ADGRF1: variants seen among roughly 807,000 people sequenced by gnomAD.
ADGRF1 encodes the protein adhesion G protein-coupled receptor F1.
ADGRF1 carries 85 observed loss-of-function variants against 87.2 expected under a neutral mutation model. The observed-to-expected ratio is 0.97, with a 90% CI of 0.82 to 1.17. ADGRF1 has a LOEUF of 1.17. Among genes scored for constraint, ADGRF1 ranks in the 50% most tolerant of loss-of-function variants. The pLI is 0.00. For missense variants in ADGRF1, 1,169 were observed against 1,077.2 expected (o/e 1.09, Z -1.19); for synonymous variants, 430 against 408.8 (o/e 1.05, Z -0.63).
intron 2 of ADGRF1, among the ~76,000 whole-genome samples, chr6:47,028,350 T>C (rs894553532): frequency 5.3e-5 from 8 of 152,198 alleles, no homozygotes; most frequent in African/African-American, 1.9e-4. Flanking sequence ...ATGCCAGTGG[T>C]TTAGATATGG....
intron 7 of ADGRF1, 174 bp from the exon 8 acceptor site, chr6:47,016,942 T>C: frequency 1.9e-6 from 1 of 523,792 alleles, no homozygotes; most frequent in Non-Finnish European, 2.7e-6. Context: ...AAAATACATA[T>C]ATATATGATA....
chr6:47,041,933 A>G (rs1299555814), intron 1 of ADGRF1, among the ~76,000 whole-genome samples: 1 of 152,216 alleles, frequency 6.6e-6, no homozygotes, highest in Non-Finnish European at 1.5e-5. Flanking sequence ...CACAGAGGGA[A>G]GAGTGTGCTT....
chr6:47,029,193 A>G (rs774363375), intron 1 of ADGRF1, 89 bp from the exon 2 acceptor site: 1 of 708,260 alleles, frequency 1.4e-6, no homozygotes, highest in East Asian at 2.7e-5. Flanking sequence ...GTAAGGCCTC[A>G]CTGAGCTGAT....
chr6:47,027,674 A>T, intron 3 of ADGRF1, 30 bp downstream of exon 3: 3 of 1,546,208 alleles, frequency 1.9e-6, no homozygotes, highest in Non-Finnish European at 2.7e-6. Flanking sequence ...ACCAAAATCC[A>T]CTGCACCATG....
At chr6:47,041,259 A>T (rs537659617) in intron 1 of ADGRF1, among the ~76,000 whole-genome samples, 3 of 152,256 alleles carry the variant, frequency 2.0e-5, no homozygotes, top group African/African-American at 7.2e-5. Context: ...AACAGAGCAT[A>T]ATAAAAGGCT....
At chr6:47,025,297 T>C (rs1463320378) in intron 4 of ADGRF1, among the ~76,000 whole-genome samples, 2 of 152,184 alleles carry the variant, frequency 1.3e-5, no homozygotes. Flanking sequence ...TCCTCTTAAG[T>C]CAAGACAAAT....
At chr6:47,035,610 T>G (rs149306105) in intron 1 of ADGRF1, among the ~76,000 whole-genome samples, 3 of 152,190 alleles carry the variant, frequency 2.0e-5, no homozygotes, top group African/African-American at 7.2e-5. Context: ...ACAACGAATT[T>G]TTTAACTATT....
chr6:47,025,768 A>T (rs1481985869), intron 4 of ADGRF1, 86 bp downstream of exon 4: 1 of 1,172,468 alleles, frequency 8.5e-7, no homozygotes, highest in African/African-American at 1.5e-5. Flanking sequence ...TGTAGGGATG[A>T]TTGTTTCCAC....
At chr6:47,027,611 G>T in intron 3 of ADGRF1, 93 bp downstream of exon 3, 1 of 775,516 alleles carries the variant, frequency 1.3e-6, no homozygotes, top group Non-Finnish European at 2.3e-6. Flanking sequence ...ATGTGCCTAG[G>T]ATCATACAAC....
intron 10 of ADGRF1, among the ~76,000 whole-genome samples, chr6:47,011,554 C>T (rs1779707709): frequency 6.6e-6 from 1 of 152,180 alleles, no homozygotes; most frequent in Admixed American, 6.5e-5. Context: ...TGCTTATTTG[C>T]ACTTCCTATA....
At position 47,006,044 on chromosome 6, in the gene ADGRF1, C is replaced by T. The variant is rs1022727959; in HGVS notation, c.2533-168G>A. Among the ~76,000 whole-genome samples, 9 of 152,108 alleles carry T rather than the reference C, an allele frequency of 5.9e-5. No individual in the cohort carries two copies. The South Asian group carries it at 1.7e-3, about 28-fold the overall frequency. ...AAAGATTATTTTCTTCATCTCTTTA[C>T]CTATAAACAAAACTAGAGTTCAACA... On this transcript the variant is annotated intron_variant, in intron 12 of 14. Transcript: ENST00000371253.
intron 11 of ADGRF1, among the ~76,000 whole-genome samples, chr6:47,008,648 A>C (rs1232057214): frequency 6.6e-6 from 1 of 152,188 alleles, no homozygotes; most frequent in African/African-American, 2.4e-5. Context: ...TTTTTCCCAG[A>C]GTTCTGCCTA....
chr6:47,010,968 G>A (rs1779687542), intron 10 of ADGRF1, among the ~76,000 whole-genome samples: 2 of 152,030 alleles, frequency 1.3e-5, no homozygotes, highest in South Asian at 2.1e-4. Flanking sequence ...TTGCTTATGG[G>A]TCTGGCTCCC....
chr6:47,041,686 G>T lies in ADGRF1; in HGVS notation c.-44+505C>A, dbSNP rs548798585. On this transcript the variant is annotated intron_variant, in intron 1 of 14. Transcript: ENST00000371253. ...GAGTCCTGGGAAGGAGTTAAATTGA[G>T]AAGTACTTCCTGGATATATATGGAT... Among the ~76,000 whole-genome samples the T allele has an allele frequency of 2.1e-4, 32 of 152,268 alleles. No individual in the cohort carries two copies. The South Asian group carries it at 2.9e-3, about 14-fold the overall frequency.
At chr6:47,010,963 T>A (rs1406594394) in intron 10 of ADGRF1, among the ~76,000 whole-genome samples, 1 of 152,122 alleles carries the variant, frequency 6.6e-6, no homozygotes, top group Non-Finnish European at 1.5e-5. Flanking sequence ...TTCTCTTGCT[T>A]ATGGGTCTGG....
intron 1 of ADGRF1, among the ~76,000 whole-genome samples, chr6:47,036,731 A>G (rs1780599040): frequency 6.6e-6 from 1 of 152,204 alleles, no homozygotes; most frequent in Admixed American, 6.5e-5. Flanking sequence ...TTTTCATTAT[A>G]ATTTTCTTAA....
intron 4 of ADGRF1, 34 bp downstream of exon 4, chr6:47,025,820 C>A: frequency 1.9e-6 from 3 of 1,552,040 alleles, no homozygotes; most frequent in Non-Finnish European, 2.6e-6. Context: ...CCGCCTTCCC[C>A]ATTTATACAT....
At chr6:47,028,886 A>T (rs1031943643) in intron 2 of ADGRF1, 107 bp downstream of exon 2, 1 of 834,844 alleles carries the variant, frequency 1.2e-6, no homozygotes, top group Non-Finnish European at 2.1e-6. Context: ...TCTCAAGTAC[A>T]TTAAATTATG....
intron 8 of ADGRF1, among the ~76,000 whole-genome samples, chr6:47,015,986 C>T (rs537789483): frequency 1.3e-5 from 2 of 152,236 alleles, no homozygotes; most frequent in South Asian, 4.1e-4. Flanking sequence ...CATCTGCCCA[C>T]TCTGGCCTCC....
Sources: gnomAD v4.1 joint callset for allele counts (sites outside exome capture counted in the v4.1 genomes callset) on GRCh38, gnomAD v4.1.1 for gene constraint, MANE v1.5 for transcripts, NCBI Gene and HGNC (gene_info 2026-07-23, HGNC 2026-07-21) for gene names.